SERPINA6: variants seen among roughly 807,000 people sequenced by gnomAD.
SERPINA6 encodes the protein serpin family A member 6.
A neutral mutation model predicts 26.4 loss-of-function variants in SERPINA6; 19 were observed. The ratio of observed to expected loss-of-function variants is 0.72; its 90% CI spans 0.50 to 1.06. The LOEUF (loss-of-function observed/expected upper bound fraction) is 1.06. Ranked by LOEUF, SERPINA6 falls within the 50% of genes least tolerant of loss-of-function variation. The probability of loss-of-function intolerance (pLI) is 0.00; values close to 1 mark genes in which losing one functional copy is unlikely to be tolerated. For synonymous variants in SERPINA6, 196 were observed against 199.4 expected, an observed-to-expected ratio of 0.98 and a Z score of 0.14; for missense variants, 473 against 504.0, an observed-to-expected ratio of 0.94 and a Z score of 0.59.
At chr14:94,308,106 G>T (rs1462857652) in intron 3 of SERPINA6, among the ~76,000 whole-genome samples, 2 of 152,230 alleles carry the variant, frequency 1.3e-5, no homozygotes, top group East Asian at 3.8e-4. Flanking sequence ...TTCATGTCGG[G>T]TCTGGAGGCC....
At chr14:94,305,053 C>T (rs1457313727) in intron 4 of SERPINA6, among the ~76,000 whole-genome samples, 1 of 152,138 alleles carries the variant, frequency 6.6e-6, no homozygotes, top group Non-Finnish European at 1.5e-5. Flanking sequence ...GTTGATATGT[C>T]CTTGTTGTGA....
chr14:94,317,656 G>C (rs1380472567), intron 1 of SERPINA6, among the ~76,000 whole-genome samples: 1 of 152,174 alleles, frequency 6.6e-6, no homozygotes, highest in East Asian at 1.9e-4. Flanking sequence ...CCCGTGTTTA[G>C]CTGGACTAAG....
chr14:94,310,138 T>C, intron 2 of SERPINA6, 132 bp from the exon 3 acceptor site: 1 of 886,916 alleles, frequency 1.1e-6, no homozygotes, highest in Non-Finnish European at 1.8e-6. Flanking sequence ...GCCTCAAGGG[T>C]TTTTAGGTAA....
At chr14:94,314,802 C>G in intron 1 of SERPINA6, 135 bp from the exon 2 acceptor site, 1 of 791,128 alleles carries the variant, frequency 1.3e-6, no homozygotes, top group Non-Finnish European at 2.1e-6. Flanking sequence ...ACCTGGAGCA[C>G]ATCACAGAGG....
intron 2 of SERPINA6, among the ~76,000 whole-genome samples, chr14:94,310,401 C>T (rs1374095921): frequency 1.4e-5 from 2 of 147,198 alleles, no homozygotes; most frequent in Non-Finnish European, 3.1e-5. Flanking sequence ...TGGTGGGAAG[C>T]GAGGGGGCCA....
intron 4 of SERPINA6, 62 bp from the exon 5 acceptor site, chr14:94,304,665 C>A: frequency 3.6e-6 from 5 of 1,406,690 alleles, no homozygotes; most frequent in Non-Finnish European, 5.0e-6. Flanking sequence ...TTTCCTGACT[C>A]ATTGCTGGGA....
At chr14:94,312,719 C>T (rs749094871) in intron 2 of SERPINA6, among the ~76,000 whole-genome samples, 1 of 152,148 alleles carries the variant, frequency 6.6e-6, no homozygotes, top group African/African-American at 2.4e-5. Flanking sequence ...GCAGGAAAGA[C>T]CCAGAGGCAG....
At chr14:94,306,694 A>G (rs1364687643) in intron 3 of SERPINA6, among the ~76,000 whole-genome samples, 1 of 152,186 alleles carries the variant, frequency 6.6e-6, no homozygotes, top group East Asian at 1.9e-4. Context: ...CTGCACACAA[A>G]GGTGGTTGAA....
intron 2 of SERPINA6, among the ~76,000 whole-genome samples, chr14:94,312,145 A>G (rs1595574274): frequency 1.3e-5 from 2 of 152,226 alleles, no homozygotes; most frequent in Non-Finnish European, 2.9e-5. Flanking sequence ...AAATCTGTGT[A>G]CAATGAGGCA....
rs760182668 is a variant in SERPINA6 at position 94,309,789 on chromosome 14, G to A, written c.831C>T (p.Ile277=). Residue 277 remains isoleucine (I), a synonymous_variant, in exon 3 of 5, where the codon ATC becomes ATT. Coordinates refer to ENST00000341584, the MANE Select transcript of SERPINA6 (RefSeq NM_001756.4). ...TAATCGTGTCCCGGCTCAGTGCAGC[G>A]ATGACTGTGTTCATCTTCCCCTTGT... ...LPDKGKMNTV[I]AALSRDTINR... 13 of 1,614,168 alleles carry A rather than the reference G, an allele frequency of 8.1e-6. No individual in the cohort carries two copies. The highest frequency in any genetic ancestry group is 5.0e-5 in the Admixed American group (3 of 60,024).
chr14:94,310,982 C>T (rs1235309160), intron 2 of SERPINA6, among the ~76,000 whole-genome samples: 3 of 152,250 alleles, frequency 2.0e-5, no homozygotes, highest in East Asian at 1.9e-4. Context: ...CCAGGTAGCC[C>T]TTTCTCCATC....
At chr14:94,308,245 ATC>A (rs1895471184) in intron 3 of SERPINA6, among the ~76,000 whole-genome samples, 1 of 152,180 alleles carries the variant, frequency 6.6e-6, no homozygotes, top group Admixed American at 6.5e-5. Context: ...CATGTTACAT[ATC>A]TCTGTCTGTC....
chr14:94,315,751 A>T (rs1312095834), intron 1 of SERPINA6, among the ~76,000 whole-genome samples: 2 of 152,238 alleles, frequency 1.3e-5, no homozygotes, highest in African/African-American at 4.8e-5. Flanking sequence ...AAGACAGGGC[A>T]ATGACATATT....
rs199665320 is a variant in SERPINA6 at position 94,304,606 on chromosome 14, G to C, written c.1033-3C>G. On this transcript the variant is annotated splice_region_variant and splice_polypyrimidine_tract_variant and intron_variant, in intron 4 of 4. Coordinates refer to ENST00000341584, the MANE Select transcript of SERPINA6 (RefSeq NM_001756.4). Reference sequence around the variant, plus strand: ...TGCAGCACAGCTTTATGGACCACCTGTTAGGTACAGAATGAAGATGGGTAG... The same window carrying C: ...TGCAGCACAGCTTTATGGACCACCTCTTAGGTACAGAATGAAGATGGGTAG... 4 of 1,613,556 alleles carry C rather than the reference G, an allele frequency of 2.5e-6. No homozygotes were observed. Among genetic ancestry groups the C allele is most frequent in the Non-Finnish European group, 3.4e-6 (4 of 1,179,544 alleles).
At chr14:94,310,543 C>T (rs1442530867) in intron 2 of SERPINA6, among the ~76,000 whole-genome samples, 1 of 152,148 alleles carries the variant, frequency 6.6e-6, no homozygotes, top group East Asian at 1.9e-4. Context: ...GACTCCCACC[C>T]CCAGCAGGCC....
chr14:94,320,785 C>A (rs1454250216), intron 1 of SERPINA6, among the ~76,000 whole-genome samples: 1 of 152,102 alleles, frequency 6.6e-6, no homozygotes, highest in Non-Finnish European at 1.5e-5. Flanking sequence ...TGCGTGTCTC[C>A]CTTATCTCAC....
chr14:94,315,822 C>A (rs1433275827), intron 1 of SERPINA6, among the ~76,000 whole-genome samples: 1 of 152,110 alleles, frequency 6.6e-6, no homozygotes, highest in African/African-American at 2.4e-5. Context: ...TCCTATATTA[C>A]TGTCCTTTTT....
At chr14:94,306,364 TAGG>T (rs1895440514) in intron 3 of SERPINA6, 146 bp from the exon 4 acceptor site, 3 of 832,262 alleles carry the variant, frequency 3.6e-6, no homozygotes, top group South Asian at 1.5e-5. Context: ...TCTTTGTGGG[TAGG>T]AGAAGGGACA....
At chr14:94,322,046 G>C (rs1488832885) in intron 1 of SERPINA6, among the ~76,000 whole-genome samples, 1 of 152,160 alleles carries the variant, frequency 6.6e-6, no homozygotes, top group Non-Finnish European at 1.5e-5. Context: ...CTCACTTAAT[G>C]GGTCATCCTG....
Sources: allele counts gnomAD v4.1 joint callset (sites outside exome capture counted in the v4.1 genomes callset), GRCh38; gene constraint gnomAD v4.1.1; transcripts MANE v1.5; gene names NCBI Gene and HGNC (gene_info 2026-07-23, HGNC 2026-07-21).